The following THSD7B variants were observed in gnomAD, a reference collection of about 807,000 sequenced individuals.
The protein encoded by THSD7B is thrombospondin type 1 domain containing 7B.
THSD7B carries 138 observed loss-of-function variants against 213.6 expected under a neutral mutation model. The observed-to-expected ratio is 0.65, with a 90% CI of 0.56 to 0.74. The LOEUF (loss-of-function observed/expected upper bound fraction) is 0.74. Ranked by LOEUF, THSD7B falls within the 30% of genes least tolerant of loss-of-function variation. The pLI, the probability that THSD7B is intolerant of heterozygous loss-of-function variation, is 0.00. For missense variants in THSD7B, 1,931 were observed against 1,991.5 expected (o/e 0.97, Z 0.58); for synonymous variants, 742 against 687.0 (o/e 1.08, Z -1.25).
chr2:137,593,138 G>T (rs952883568), intron 17 of THSD7B, among the ~76,000 whole-genome samples: 1 of 151,826 alleles, frequency 6.6e-6, no homozygotes, highest in African/African-American at 2.4e-5. Context: ...TTCACTGTAG[G>T]ATTATAGCAT....
chr2:137,189,141 C>T (rs1017206733), intron 7 of THSD7B, among the ~76,000 whole-genome samples: 15 of 152,130 alleles, frequency 9.9e-5, no homozygotes, highest in African/African-American at 3.6e-4. Context: ...TTTTCCTCCA[C>T]ACCACACTCA....
At chr2:136,849,374 T>G (rs1399816014) in intron 1 of THSD7B, among the ~76,000 whole-genome samples, 1 of 152,180 alleles carries the variant, frequency 6.6e-6, no homozygotes, top group Non-Finnish European at 1.5e-5. Context: ...GGAAGGAGTA[T>G]TTGAACGCTA....
At chr2:137,055,294 C>T (rs1264116448) in intron 2 of THSD7B, among the ~76,000 whole-genome samples, 1 of 152,058 alleles carries the variant, frequency 6.6e-6, no homozygotes, top group Non-Finnish European at 1.5e-5. Flanking sequence ...TGGGATCAAT[C>T]CTTTATACCC....
intron 12 of THSD7B, among the ~76,000 whole-genome samples, chr2:137,339,299 T>C (rs139746160): frequency 6.6e-6 from 1 of 151,910 alleles, no homozygotes; most frequent in East Asian, 1.9e-4. Flanking sequence ...GTGTTTGTGG[T>C]AGATGCAAAA....
At chr2:137,662,136 C>G (rs186261521) in intron 25 of THSD7B, among the ~76,000 whole-genome samples, 24 of 147,340 alleles carry the variant, frequency 1.6e-4, no homozygotes, top group Non-Finnish European at 2.7e-4. Flanking sequence ...GATCTTGGCT[C>G]ACTGCAACCA....
intron 3 of THSD7B, among the ~76,000 whole-genome samples, chr2:137,085,645 T>C (rs186063307): frequency 7.2e-4 from 109 of 152,188 alleles, no homozygotes; most frequent in African/African-American, 2.5e-3. Context: ...AGGTTAAATA[T>C]CTGATGGGTG....
At chr2:136,935,140 G>C (rs991465497) in intron 2 of THSD7B, among the ~76,000 whole-genome samples, 7 of 152,132 alleles carry the variant, frequency 4.6e-5, no homozygotes, top group African/African-American at 1.4e-4. Flanking sequence ...ACACTTCTAA[G>C]AAATGATTCA....
chr2:137,345,954 G>T (rs1684866538), intron 12 of THSD7B, among the ~76,000 whole-genome samples: 1 of 151,670 alleles, frequency 6.6e-6, no homozygotes, highest in African/African-American at 2.4e-5. Flanking sequence ...GACATGTCAA[G>T]GTTGCTTGTT....
In THSD7B at chr2:137,646,682, A is replaced by G. The variant is rs149460837; in HGVS notation, c.3945+4049A>G. On this transcript the variant is annotated intron_variant, in intron 21 of 27. Coordinates refer to ENST00000409968, the MANE Select transcript of THSD7B (RefSeq NM_001316349.2). Reference sequence around the variant, plus strand: ...TAATAATAATAATAATAATAATAATAAACACTTCACTGGCACCTTGATCTA... The same window carrying G: ...TAATAATAATAATAATAATAATAATGAACACTTCACTGGCACCTTGATCTA... Among the ~76,000 whole-genome samples, 11 of 128,958 alleles carry G rather than the reference A, an allele frequency of 8.5e-5. No homozygotes were observed. In the East Asian group the frequency reaches 2.2e-3, roughly 25 times the overall value. The allele number at this position is 128,958 out of a possible 152,430, so 84.6% of individuals were successfully genotyped here.
intron 17 of THSD7B, among the ~76,000 whole-genome samples, chr2:137,590,347 A>T (rs1212055565): frequency 6.6e-6 from 1 of 152,218 alleles, no homozygotes; most frequent in Non-Finnish European, 1.5e-5. Context: ...GGGCAGGGTG[A>T]CATCATCTGG....
chr2:136,845,354 C>T (rs1573665979), intron 1 of THSD7B, among the ~76,000 whole-genome samples: 6 of 152,258 alleles, frequency 3.9e-5, no homozygotes, highest in Admixed American at 3.9e-4. Context: ...AGGACCTGGC[C>T]TTGATACTAA....
intron 13 of THSD7B, among the ~76,000 whole-genome samples, chr2:137,408,352 T>A (rs1686575865): frequency 6.6e-6 from 1 of 152,152 alleles, no homozygotes; most frequent in Admixed American, 6.5e-5. Flanking sequence ...TTTTTCTTTT[T>A]TTCACAACTT....
At chr2:137,445,392 G>A (rs1054946832) in intron 14 of THSD7B, among the ~76,000 whole-genome samples, 1 of 151,950 alleles carries the variant, frequency 6.6e-6, no homozygotes, top group African/African-American at 2.4e-5. Context: ...AAGAAAATAT[G>A]TATATACACA....
intron 17 of THSD7B, 118 bp from the exon 18 acceptor site, chr2:137,616,057 C>G (rs1682379383): frequency 9.0e-6 from 9 of 998,844 alleles, no homozygotes; most frequent in Non-Finnish European, 1.3e-5. Flanking sequence ...ATATGTTTAA[C>G]CCTCTAGATA....
chr2:136,765,812 C>T (rs1558797987), intron 1 of THSD7B, 125 bp downstream of exon 1: 1 of 152,032 alleles, frequency 6.6e-6, no homozygotes. Flanking sequence ...TCTTTCCTCG[C>T]CGGACAGCCA....
At chr2:137,541,346 G>A (rs558765812) in intron 15 of THSD7B, among the ~76,000 whole-genome samples, 22 of 151,718 alleles carry the variant, frequency 1.5e-4, no homozygotes, top group Non-Finnish European at 2.7e-4. Context: ...GCAGTCACTA[G>A]AAACTGTCTG....
intron 10 of THSD7B, 134 bp downstream of exon 10, chr2:137,242,706 G>C: frequency 1.6e-6 from 1 of 620,502 alleles, no homozygotes; most frequent in Non-Finnish European, 2.9e-6. Context: ...AACAAGTTTG[G>C]TAAAGTTTGT....
At chr2:137,249,347 T>A (rs1682116823) in intron 10 of THSD7B, among the ~76,000 whole-genome samples, 1 of 152,096 alleles carries the variant, frequency 6.6e-6, no homozygotes, top group Admixed American at 6.6e-5. Flanking sequence ...CAACATTGCA[T>A]TAGAGTCCGA....
chr2:137,126,455 C>T (rs1688629904), intron 5 of THSD7B, among the ~76,000 whole-genome samples: 1 of 150,016 alleles, frequency 6.7e-6, no homozygotes, highest in South Asian at 2.1e-4. Context: ...GTTTCCCCCA[C>T]CCCCCTGCCC....
Sources: gnomAD v4.1 joint callset for allele counts (sites outside exome capture counted in the v4.1 genomes callset) on GRCh38, gnomAD v4.1.1 for gene constraint, MANE v1.5 for transcripts, NCBI Gene and HGNC (gene_info 2026-07-23, HGNC 2026-07-21) for gene names.